DENND1A: variants seen among roughly 807,000 people sequenced by gnomAD.
DENND1A encodes DENN domain containing 1A.
A neutral mutation model predicts 113.7 loss-of-function variants in DENND1A; 51 were observed. The ratio of observed to expected loss-of-function variants is 0.45; its 90% CI spans 0.36 to 0.57. DENND1A has a LOEUF of 0.57. DENND1A is among the 20% of genes least tolerant of loss of function. The probability of loss-of-function intolerance (pLI) is 0.00; values close to 1 mark genes in which losing one functional copy is unlikely to be tolerated. For synonymous variants in DENND1A, 565 were observed against 570.8 expected (o/e 0.99, Z 0.14); for missense variants, 1,258 against 1,395.9 (o/e 0.90, Z 1.57).
intron 10 of DENND1A, among the ~76,000 whole-genome samples, chr9:123,616,054 C>G (rs1356975108): frequency 6.6e-6 from 1 of 152,128 alleles, no homozygotes; most frequent in Non-Finnish European, 1.5e-5. Context: ...CTCAGTCCCT[C>G]GAGTTGCTAG....
intron 5 of DENND1A, among the ~76,000 whole-genome samples, chr9:123,711,301 C>G (rs112269833): frequency 6.6e-6 from 1 of 150,784 alleles, no homozygotes. Flanking sequence ...CTTGTTTGTA[C>G]TAAAAATACA....
intron 13 of DENND1A, among the ~76,000 whole-genome samples, chr9:123,466,640 C>G (rs2048975230): frequency 6.6e-6 from 1 of 152,202 alleles, no homozygotes; most frequent in African/African-American, 2.4e-5. Context: ...CTATCTCCAG[C>G]TTACTGATGA....
At position 123,499,951 on chromosome 9, in the gene DENND1A, T is replaced by A. The variant is rs181806109; in HGVS notation, c.994-42054A>T. On this transcript the variant is annotated intron_variant, in intron 13 of 23. Coordinates refer to ENST00000394215, the MANE Select transcript of DENND1A (RefSeq NM_001352964.2). The stretch of plus-strand genomic sequence containing the variant: ...GAGCATCCTGCCACTGCCGAATGAA[T>A]CGATGAGCAAGGAAGCATGGGCTCC... Among the ~76,000 whole-genome samples the A allele has an allele frequency of 2.4e-3, 371 of 152,198 alleles. 1 individual carries two copies. Among genetic ancestry groups the A allele is most frequent in the African/African-American group, 7.7e-3 (320 of 41,522 alleles).
chr9:123,905,806 A>G (rs1852700024), intron 1 of DENND1A, among the ~76,000 whole-genome samples: 1 of 151,392 alleles, frequency 6.6e-6, no homozygotes, highest in Non-Finnish European at 1.5e-5. Context: ...AATGAGACAG[A>G]AAGTCAACAA....
At chr9:123,426,072 T>C (rs941661829) in intron 19 of DENND1A, among the ~76,000 whole-genome samples, 1 of 152,108 alleles carries the variant, frequency 6.6e-6, no homozygotes, top group African/African-American at 2.4e-5. Context: ...GAGTGGAGGA[T>C]GGCAGGGAGC....
chr9:123,809,464 A>T (rs947740985), intron 2 of DENND1A, among the ~76,000 whole-genome samples: 10 of 152,198 alleles, frequency 6.6e-5, no homozygotes, highest in African/African-American at 2.4e-4. Flanking sequence ...TCTATGATCT[A>T]AAAGCCTGAG....
At chr9:123,754,173 T>C (rs2070320871) in intron 5 of DENND1A, among the ~76,000 whole-genome samples, 2 of 152,110 alleles carry the variant, frequency 1.3e-5, no homozygotes, top group Admixed American at 1.3e-4. Context: ...AGAAAGTATC[T>C]AAAGGAAGCA....
intron 1 of DENND1A, among the ~76,000 whole-genome samples, chr9:123,907,421 T>C (rs1265865886): frequency 5.3e-5 from 8 of 151,954 alleles, no homozygotes; most frequent in Admixed American, 1.3e-4. Context: ...TGTTTGCAGA[T>C]GACATGATTG....
At chr9:123,411,388 C>G (rs540554373) in intron 20 of DENND1A, 1 of 152,264 alleles carries the variant, frequency 6.6e-6, no homozygotes, top group Non-Finnish European at 1.5e-5. Context: ...AAATGCATCT[C>G]CAGACCAAGA....
intron 13 of DENND1A, chr9:123,485,661 C>T (rs1385689704): frequency 1.7e-3 from 35 of 20,584 alleles, no homozygotes; most frequent in Non-Finnish European, 4.1e-3. Context: ...CGCGCGCACA[C>T]ACACACACAC....
chr9:123,629,536 T>A (rs1050494642), intron 10 of DENND1A, among the ~76,000 whole-genome samples: 15 of 152,260 alleles, frequency 9.9e-5, no homozygotes, highest in Non-Finnish European at 1.9e-4. Context: ...TGGGGTCCTT[T>A]CATATGTTAT....
chr9:123,495,225 C>A (rs2134080525), intron 13 of DENND1A, among the ~76,000 whole-genome samples: 1 of 150,798 alleles, frequency 6.6e-6, no homozygotes, highest in East Asian at 1.9e-4. Context: ...AGGGGCCATG[C>A]CTTATTCACC....
chr9:123,926,871 C>G (rs10986139), intron 1 of DENND1A, among the ~76,000 whole-genome samples: 51,711 of 150,516 alleles, frequency 0.34, 10,994 homozygotes, highest in African/African-American at 0.61. Flanking sequence ...TGGTACGGGA[C>G]ACAGACAAGA....
At chr9:123,390,847 G>A (rs1319883674) in intron 21 of DENND1A, among the ~76,000 whole-genome samples, 1 of 152,232 alleles carries the variant, frequency 6.6e-6, no homozygotes, top group Admixed American at 6.5e-5. Context: ...TCGCCCTCAC[G>A]TCCACCTTGG....
chr9:123,420,757 G>A (rs183459196), intron 19 of DENND1A, among the ~76,000 whole-genome samples: 23 of 151,654 alleles, frequency 1.5e-4, no homozygotes, highest in African/African-American at 3.6e-4. Context: ...CAAAGAGCTC[G>A]GCTGACGGGG....
chr9:123,639,938 T>A (rs1170484018), intron 9 of DENND1A, among the ~76,000 whole-genome samples: 2 of 152,108 alleles, frequency 1.3e-5, no homozygotes, highest in Non-Finnish European at 2.9e-5. Context: ...TTGTCCCCAT[T>A]TTATAGATGA....
intron 13 of DENND1A, among the ~76,000 whole-genome samples, chr9:123,472,805 G>A (rs1453535484): frequency 1.3e-5 from 2 of 152,122 alleles, no homozygotes; most frequent in East Asian, 3.9e-4. Flanking sequence ...CCCATAACAC[G>A]GGGCCAGCCA....
At chr9:123,798,257 CCA>C in intron 2 of DENND1A, 1 of 152,248 alleles carries the variant, frequency 6.6e-6, no homozygotes, top group African/African-American at 2.4e-5. Context: ...CAGCAAAAAC[CCA>C]CCTCAGTATG....
At chr9:123,399,973 C>T (rs912476883) in intron 21 of DENND1A, 8 of 152,286 alleles carry the variant, frequency 5.3e-5, no homozygotes, top group African/African-American at 1.9e-4. Context: ...CCACCGCGCC[C>T]CCTGCTGACT....
Sources: gnomAD v4.1 joint callset for allele counts (sites outside exome capture counted in the v4.1 genomes callset) on GRCh38, gnomAD v4.1.1 for gene constraint, MANE v1.5 for transcripts, NCBI Gene and HGNC (gene_info 2026-07-23, HGNC 2026-07-21) for gene names.